DNAH9: variants seen among roughly 807,000 people sequenced by gnomAD.
DNAH9 encodes the protein dynein axonemal heavy chain 9, also known as DNAH9 variant protein.
A neutral mutation model predicts 471.6 loss-of-function variants in DNAH9; 345 were observed. The observed-to-expected ratio is 0.73, with a 90% confidence interval of 0.67 to 0.80. The LOEUF is 0.80. Ranked by LOEUF, DNAH9 falls within the 30% of genes least tolerant of loss-of-function variation. The pLI, the probability that DNAH9 is intolerant of heterozygous loss-of-function variation, is 0.00. For missense variants in DNAH9, 5,407 were observed against 5,609.2 expected (o/e 0.96, Z 1.15); for synonymous variants, 2,093 against 2,123.6 (o/e 0.99, Z 0.40).
chr17:11,627,615 T>C (rs1378986677), intron 6 of DNAH9, among the ~76,000 whole-genome samples: 1 of 152,120 alleles, frequency 6.6e-6, no homozygotes. Flanking sequence ...GTATATCAAG[T>C]TGAATCTATT....
chr17:11,682,880 G>GCTAA (rs1275577909), intron 19 of DNAH9, among the ~76,000 whole-genome samples: 1 of 152,148 alleles, frequency 6.6e-6, no homozygotes, highest in Non-Finnish European at 1.5e-5. Flanking sequence ...TATCCCTTTA[G>GCTAA]AATAATTGCC....
intron 49 of DNAH9, among the ~76,000 whole-genome samples, chr17:11,840,403 A>T (rs1404259071): frequency 6.6e-6 from 1 of 152,176 alleles, no homozygotes; most frequent in Non-Finnish European, 1.5e-5. Context: ...ACTGCATTCT[A>T]TTTAATTATT....
chr17:11,680,534 G>A (rs1391936912), intron 18 of DNAH9, among the ~76,000 whole-genome samples, 189 bp from the exon 19 acceptor site: 1 of 151,946 alleles, frequency 6.6e-6, no homozygotes, highest in Non-Finnish European at 1.5e-5. Flanking sequence ...TAATAGTTGA[G>A]AGCAGCTGCG....
Position 11,636,706 on chromosome 17 carries a change from C to T in DNAH9, c.1708C>T (p.Leu570Phe), listed in dbSNP as rs774101993. The change falls in exon 9 of 69, where the codon CTC becomes TTC. Residue 570 changes from leucine to phenylalanine, a missense_variant. Leu to Phe is a conservative substitution (Grantham distance 22). Transcript: ENST00000262442. ...ARDTSDKYLVLIQMFNKDLDA... is the reference protein window; with the variant it reads ...ARDTSDKYLVFIQMFNKDLDA... Reference sequence around the variant, plus strand: ...GGATACATCTGATAAATACCTGGTCCTCATCCAAATGTTCAACAAAGATCT... The same window carrying T: ...GGATACATCTGATAAATACCTGGTCTTCATCCAAATGTTCAACAAAGATCT... 6 of 1,613,668 alleles carry T rather than the reference C, an allele frequency of 3.7e-6. No individual in the cohort carries two copies. The South Asian group carries it at 6.6e-5, about 18-fold the overall frequency.
chr17:11,697,575 G>C (rs111263255), intron 22 of DNAH9, among the ~76,000 whole-genome samples: 5 of 152,064 alleles, frequency 3.3e-5, no homozygotes, highest in African/African-American at 9.7e-5. Flanking sequence ...TTATGATCTT[G>C]AAAAAGTCTT....
rs1267599270 is a variant in DNAH9, at chr17:11,933,949, G to A, written c.12367G>A (p.Asp4123Asn). The A allele has an allele frequency of 1.9e-6, 3 of 1,614,058 alleles. No homozygotes were observed. Among genetic ancestry groups the A allele is most frequent in the East Asian group, 2.2e-5 (1 of 44,890 alleles). Residue 4123 changes from aspartate to asparagine, a missense_variant, in exon 65 of 69, where the codon GAC (aspartate) becomes AAC (asparagine). By Grantham distance (23) the Asp-to-Asn change is conservative. Coordinates refer to ENST00000262442, the MANE Select transcript of DNAH9 (RefSeq NM_001372.4). ...MYGGHITDDW[D>N]RRLCRTYLGE... ...TGGAGGCCATATCACAGATGACTGG[G>A]ACAGAAGACTCTGCAGAACCTACCT...
At chr17:11,683,965 GGTGT>G (rs990447215) in intron 19 of DNAH9, among the ~76,000 whole-genome samples, 7 of 152,118 alleles carry the variant, frequency 4.6e-5, no homozygotes, top group African/African-American at 1.7e-4. Context: ...TTCTTAGTTT[GGTGT>G]GTGTGAGTGT....
intron 17 of DNAH9, among the ~76,000 whole-genome samples, chr17:11,670,405 T>C (rs557881706): frequency 6.6e-6 from 1 of 152,274 alleles, no homozygotes; most frequent in Admixed American, 6.5e-5. Flanking sequence ...GGTCCCCAGA[T>C]ACCCACCACA....
intron 42 of DNAH9, among the ~76,000 whole-genome samples, chr17:11,796,959 A>G (rs1393469830): frequency 6.6e-6 from 1 of 152,160 alleles, no homozygotes. Context: ...TCAACATGGT[A>G]ACATTTCTCC....
At chr17:11,598,986 GA>G in intron 1 of DNAH9, 71 bp downstream of exon 1, 1 of 1,182,154 alleles carries the variant, frequency 8.5e-7, no homozygotes, top group Non-Finnish European at 1.1e-6. Context: ...TTAAGGGACG[GA>G]GGCGGGGCCA....
chr17:11,711,867 T>C (rs1223848429), intron 26 of DNAH9, among the ~76,000 whole-genome samples: 2 of 112,406 alleles, frequency 1.8e-5, no homozygotes, highest in African/African-American at 6.3e-5. Context: ...GTTTTTATTA[T>C]ATATATTTGT....
At chr17:11,736,026 C>A (rs1402099937) in intron 28 of DNAH9, among the ~76,000 whole-genome samples, 1 of 152,000 alleles carries the variant, frequency 6.6e-6, no homozygotes. Flanking sequence ...TATTTTGAAC[C>A]AATTTTAGAT....
intron 8 of DNAH9, 96 bp from the exon 9 acceptor site, chr17:11,636,538 A>T: frequency 1.2e-6 from 1 of 853,628 alleles, no homozygotes; most frequent in Non-Finnish European, 1.9e-6. Flanking sequence ...TTACATTGGT[A>T]GGCATATAAA....
intron 3 of DNAH9, 36 bp from the exon 4 acceptor site, chr17:11,611,614 G>A (rs748232468): frequency 8.1e-6 from 13 of 1,606,120 alleles, no homozygotes; most frequent in Non-Finnish European, 1.0e-5. Flanking sequence ...ATTTCCTGAT[G>A]CTTCCCTGGA....
In DNAH9 at chr17:11,690,251, G is replaced by A. The variant is rs1251819334; in HGVS notation, c.4429G>A (p.Val1477Ile). 1 of 1,614,068 alleles carries A rather than the reference G, an allele frequency of 6.2e-7. No individual in the cohort carries two copies. The highest frequency in any genetic ancestry group is 8.5e-7 in the Non-Finnish European group (1 of 1,180,044). ...DLIEVLEDNQ[V>I]QLQNLVMSKY... ...CATAGAGGTTCTGGAGGATAATCAA[G>A]TTCAACTTCAGAACCTGGTGATGTC... The change falls in exon 20 of 69, where the codon GTT becomes ATT. Residue 1477 changes from valine to isoleucine, a missense_variant. This residue lies in a region of DNAH9 where 4,636 missense variants were observed against 4,900.3 expected (regional missense o/e 0.95). Transcript: ENST00000262442.
rs777422373 is a variant in DNAH9, at chr17:11,763,539, C to T, written c.7095C>T (p.Cys2365=). The change falls in exon 36 of 69, where the codon TGC becomes TGT. Residue 2365 remains cysteine (C), a synonymous_variant. Coordinates refer to ENST00000262442, the MANE Select transcript of DNAH9 (RefSeq NM_001372.4). The part of the protein sequence containing the change: ...LLTTEDIPAD[C]PKEIYEHYFV... The stretch of plus-strand genomic sequence containing the variant: ...CCACGGAGGACATCCCTGCAGACTG[C>T]CCTAAGGAAATTTATGAGCATTATT... 2.0e-5 allele frequency: 33 copies of T among 1,613,874 alleles called. No homozygotes were observed. The South Asian group carries it at 3.5e-4, about 17-fold the overall frequency.
intron 24 of DNAH9, 139 bp downstream of exon 24, chr17:11,701,386 G>A: frequency 1.1e-6 from 1 of 920,354 alleles, no homozygotes; most frequent in Non-Finnish European, 1.7e-6. Flanking sequence ...AGACCACTGT[G>A]AGGGGTCAGC....
chr17:11,937,272 C>T lies in DNAH9; in HGVS notation c.12490-80C>T. 1 of 1,513,088 alleles carries T rather than the reference C, an allele frequency of 6.6e-7. No homozygotes were observed. The highest frequency in any genetic ancestry group is 8.9e-7 in the Non-Finnish European group (1 of 1,121,478). 93.7% of individuals were successfully genotyped at this position (1,513,088 alleles called of 1,614,324 possible). ...GAGGAGGGATACTAGCCCATGGACT[C>T]CCTGCAGAGGACAAGCCGGTGTGGG... On this transcript the variant is annotated intron_variant, in intron 65 of 68. Coordinates refer to ENST00000262442, the MANE Select transcript of DNAH9 (RefSeq NM_001372.4). This position sits in a 1 kb window ranked among gnomAD's most constrained non-coding sequence, Gnocchi z 4.1.
intron 42 of DNAH9, among the ~76,000 whole-genome samples, chr17:11,797,254 A>G (rs1309181425): frequency 2.6e-5 from 4 of 152,140 alleles, no homozygotes; most frequent in Non-Finnish European, 4.4e-5. Flanking sequence ...CCTTCATTCA[A>G]TACTGGTGAA....
Sources: gnomAD v4.1 joint callset for allele counts (sites outside exome capture counted in the v4.1 genomes callset) on GRCh38, gnomAD v4.1.1 for gene constraint, gnomAD v4.1.1 regional missense constraint, Gnocchi (gnomAD v3.1) non-coding constraint, MANE v1.5 for transcripts, NCBI Gene and HGNC (gene_info 2026-07-23, HGNC 2026-07-21) for gene names.